SAMD5: variants seen among roughly 807,000 people sequenced by gnomAD.
The protein encoded by SAMD5 is sterile alpha motif domain-containing protein 5.
SAMD5 carries 13 observed loss-of-function variants against 11.3 expected under a neutral mutation model. The ratio of observed to expected loss-of-function variants is 1.15; its 90% CI spans 0.75 to 1.83. The LOEUF is 1.83. Among genes scored for constraint, SAMD5 ranks in the 40% most tolerant of loss-of-function variants. The probability of loss-of-function intolerance (pLI) is 0.00; values close to 1 mark genes in which losing one functional copy is unlikely to be tolerated. For missense variants in SAMD5, 255 were observed against 239.1 expected, an observed-to-expected ratio of 1.07 and a Z score of -0.44; for synonymous variants, 129 against 111.3, an observed-to-expected ratio of 1.16 and a Z score of -1.00.
intron 1 of SAMD5, among the ~76,000 whole-genome samples, chr6:147,664,861 A>G (rs1213506542): frequency 1.3e-5 from 2 of 152,258 alleles, no homozygotes; most frequent in South Asian, 2.1e-4. Context: ...TGCTGGTAGA[A>G]TTATATTGTG....
chr6:147,604,588 T>C (rs1001360373), intron 1 of SAMD5, among the ~76,000 whole-genome samples: 13 of 152,240 alleles, frequency 8.5e-5, no homozygotes, highest in African/African-American at 2.4e-4. Context: ...TTTTCAAGAA[T>C]GCAACTAGTT....
chr6:147,643,402 AC>A (rs1790343577), intron 1 of SAMD5, among the ~76,000 whole-genome samples: 1 of 152,178 alleles, frequency 6.6e-6, no homozygotes, highest in Non-Finnish European at 1.5e-5. Flanking sequence ...ACTAAAACAC[AC>A]AGTAAAGAAG....
chr6:147,821,116 A>C, the SAMD5 span, among the ~76,000 whole-genome samples: 4 of 152,258 alleles, frequency 2.6e-5, no homozygotes, highest in Non-Finnish European at 4.4e-5. Context: ...AATGAATAAC[A>C]AATGAACCAA....
At chr6:147,523,225 A>G (rs921142369) in intron 1 of SAMD5, among the ~76,000 whole-genome samples, 5 of 152,200 alleles carry the variant, frequency 3.3e-5, no homozygotes, top group Non-Finnish European at 5.9e-5. Context: ...AATTTGAATC[A>G]TGGGCTTTGC....
intron 1 of SAMD5, among the ~76,000 whole-genome samples, chr6:147,626,059 G>T (rs1379023498): frequency 6.6e-6 from 1 of 152,028 alleles, no homozygotes; most frequent in Non-Finnish European, 1.5e-5. Context: ...TTGAGGGAGG[G>T]TATAGGAAAA....
chr6:147,900,623 G>T, the SAMD5 span, among the ~76,000 whole-genome samples: 148,723 of 152,254 alleles, frequency 0.98, 72,664 homozygotes, highest in East Asian at 1. Flanking sequence ...TAGATAGTTA[G>T]GGGAAAACAG....
intron 1 of SAMD5, among the ~76,000 whole-genome samples, chr6:147,717,799 C>T (rs563773987): frequency 1.3e-4 from 20 of 151,850 alleles, no homozygotes; most frequent in Non-Finnish European, 2.2e-4. Context: ...TGCAGTGAGC[C>T]GAGATTGCAC....
intron 1 of SAMD5, among the ~76,000 whole-genome samples, chr6:147,713,457 T>A (rs1791426667): frequency 6.6e-6 from 1 of 152,142 alleles, no homozygotes; most frequent in South Asian, 2.1e-4. Flanking sequence ...CTCCTCATTA[T>A]CTTAGGATGT....
chr6:147,538,269 C>T (rs1398634987), intron 1 of SAMD5, among the ~76,000 whole-genome samples: 3 of 152,096 alleles, frequency 2.0e-5, no homozygotes, highest in Non-Finnish European at 4.4e-5. Flanking sequence ...ATAAGATAAA[C>T]GCATTACAAA....
intron 1 of SAMD5, among the ~76,000 whole-genome samples, chr6:147,722,509 C>A (rs573347133): frequency 6.6e-6 from 1 of 152,152 alleles, no homozygotes; most frequent in Non-Finnish European, 1.5e-5. Context: ...TCTCATTTAA[C>A]GTCTCTTATT....
At chr6:147,648,189 C>T (rs779045487) in intron 1 of SAMD5, among the ~76,000 whole-genome samples, 5 of 152,140 alleles carry the variant, frequency 3.3e-5, no homozygotes, top group Admixed American at 6.5e-5. Context: ...TAATTGACTC[C>T]GTGTTCAGCA....
chr6:147,912,006 AAG>A, the SAMD5 span, among the ~76,000 whole-genome samples: 2 of 152,186 alleles, frequency 1.3e-5, no homozygotes, highest in African/African-American at 2.4e-5. Flanking sequence ...AGACTCTCAA[AAG>A]AGTGTGTGCA....
At chr6:147,865,323 T>A in the SAMD5 span, among the ~76,000 whole-genome samples, 2 of 7,076 alleles carry the variant, frequency 2.8e-4, no homozygotes, top group Middle Eastern at 0.056. Flanking sequence ...AGTGTGTGTG[T>A]GTGTGTGTGT....
At chr6:147,774,855 ACTC>A in the SAMD5 span, among the ~76,000 whole-genome samples, 2 of 151,808 alleles carry the variant, frequency 1.3e-5, no homozygotes, top group African/African-American at 4.8e-5. Flanking sequence ...TAACCAAACT[ACTC>A]CTTCCCTTCA....
intron 1 of SAMD5, among the ~76,000 whole-genome samples, chr6:147,582,763 A>G (rs2128446388): frequency 6.6e-6 from 1 of 152,362 alleles, no homozygotes; most frequent in African/African-American, 2.4e-5. Flanking sequence ...TGAAAACTAT[A>G]AAAACGGTCC....
chr6:147,698,235 A>G (rs1791205870), intron 1 of SAMD5, among the ~76,000 whole-genome samples: 2 of 150,980 alleles, frequency 1.3e-5, no homozygotes, highest in African/African-American at 4.9e-5. Flanking sequence ...GGGGTTGGGG[A>G]CCCCATATCT....
chr6:147,597,528 A>C (rs1789550661), intron 1 of SAMD5, among the ~76,000 whole-genome samples: 1 of 152,252 alleles, frequency 6.6e-6, no homozygotes, highest in East Asian at 1.9e-4. Context: ...ATAGCTTTTT[A>C]GATGTATTTC....
the SAMD5 span, among the ~76,000 whole-genome samples, chr6:147,928,706 T>C: frequency 6.6e-6 from 1 of 152,158 alleles, no homozygotes; most frequent in African/African-American, 2.4e-5. Flanking sequence ...TCTGCTAGCA[T>C]TGGGCTTGGT....
intron 1 of SAMD5, among the ~76,000 whole-genome samples, chr6:147,653,037 T>C (rs1319114735): frequency 6.6e-6 from 1 of 152,126 alleles, no homozygotes; most frequent in Non-Finnish European, 1.5e-5. Context: ...TCTACCATAT[T>C]CCTTCCTGAA....
Sources: allele counts gnomAD v4.1 joint callset (sites outside exome capture counted in the v4.1 genomes callset), GRCh38; gene constraint gnomAD v4.1.1; transcripts MANE v1.5; gene names NCBI Gene and HGNC (gene_info 2026-07-23, HGNC 2026-07-21).